Variants in GRIK1 observed in about 807,000 individuals in gnomAD.
The protein encoded by GRIK1 is glutamate receptor ionotropic, kainate 1.
A neutral mutation model predicts 105.7 loss-of-function variants in GRIK1; 69 were observed. The observed-to-expected ratio is 0.65, with a 90% CI of 0.54 to 0.80. GRIK1 has a LOEUF of 0.80. GRIK1 is among the 30% of genes least tolerant of loss of function. The pLI, the probability that GRIK1 is intolerant of heterozygous loss-of-function variation, is 0.00. For synonymous variants in GRIK1, 438 were observed against 431.3 expected (o/e 1.02, Z -0.19); for missense variants, 1,109 against 1,167.3 (o/e 0.95, Z 0.73).
At chr21:29,727,081 T>C (rs2064487484) in intron 1 of GRIK1, among the ~76,000 whole-genome samples, 1 of 151,946 alleles carries the variant, frequency 6.6e-6, no homozygotes, top group Non-Finnish European at 1.5e-5. Context: ...AGCACAGGCA[T>C]GCAAGAAAAA....
chr21:29,808,699 C>T lies in GRIK1; in HGVS notation c.119-114636G>A, dbSNP rs188345465. ...TAAAGGGAATTGTGTGCTTGTAATA[C>T]ATACCACTTATGCATAATTCCTTTT... On this transcript the variant is annotated intron_variant, in intron 1 of 17. Transcript: ENST00000327783. 5.4e-3 allele frequency among the ~76,000 whole-genome samples: 819 copies of T among 152,292 alleles called. 2 individuals carry two copies. The highest frequency in any genetic ancestry group is 0.017 in the Middle Eastern group (5 of 294).
intron 1 of GRIK1, among the ~76,000 whole-genome samples, chr21:29,721,362 G>A (rs900162375): frequency 2.0e-5 from 3 of 152,142 alleles, no homozygotes; most frequent in African/African-American, 7.2e-5. Flanking sequence ...CATTGTGGAT[G>A]AAAAGGGCAG....
intron 1 of GRIK1, among the ~76,000 whole-genome samples, chr21:29,707,774 G>A (rs1159116188): frequency 6.6e-6 from 1 of 151,724 alleles, no homozygotes; most frequent in Non-Finnish European, 1.5e-5. Context: ...AAACCACCGC[G>A]CCTGGCCTGA....
intron 1 of GRIK1, among the ~76,000 whole-genome samples, chr21:29,891,245 A>G (rs2069886573): frequency 6.6e-6 from 1 of 152,178 alleles, no homozygotes; most frequent in Admixed American, 6.5e-5. Flanking sequence ...TCTGTCATAA[A>G]AAGTGAAATA....
At chr21:29,788,982 C>T (rs2066337939) in intron 1 of GRIK1, among the ~76,000 whole-genome samples, 1 of 152,214 alleles carries the variant, frequency 6.6e-6, no homozygotes, top group South Asian at 2.1e-4. Flanking sequence ...CAGTTCCTAA[C>T]AGGCCACATG....
At chr21:29,812,886 G>A (rs903836254) in intron 1 of GRIK1, among the ~76,000 whole-genome samples, 1 of 152,148 alleles carries the variant, frequency 6.6e-6, no homozygotes, top group Non-Finnish European at 1.5e-5. Flanking sequence ...TCTCCTTTAA[G>A]CATTTCATTC....
At chr21:29,734,996 C>A (rs2146913563) in intron 1 of GRIK1, among the ~76,000 whole-genome samples, 1 of 152,272 alleles carries the variant, frequency 6.6e-6, no homozygotes, top group Admixed American at 6.5e-5. Context: ...AAGAGACCTC[C>A]CTGCCTATCC....
At chr21:29,658,200 G>A (rs1906699631) in intron 4 of GRIK1, among the ~76,000 whole-genome samples, 1 of 152,102 alleles carries the variant, frequency 6.6e-6, no homozygotes, top group African/African-American at 2.4e-5. Flanking sequence ...TGTTCATATG[G>A]ATAGCATATT....
chr21:29,931,648 A>G (rs981183646), intron 1 of GRIK1, among the ~76,000 whole-genome samples: 1 of 152,140 alleles, frequency 6.6e-6, no homozygotes, highest in African/African-American at 2.4e-5. Flanking sequence ...CATCTTATGT[A>G]TCTCCCTTCC....
intron 1 of GRIK1, among the ~76,000 whole-genome samples, chr21:29,765,330 C>T (rs1160815031): frequency 6.6e-6 from 1 of 151,990 alleles, no homozygotes; most frequent in Non-Finnish European, 1.5e-5. Context: ...AGAGATTATG[C>T]TTTCAAGTAA....
intron 1 of GRIK1, among the ~76,000 whole-genome samples, chr21:29,887,301 G>A (rs1292136274): frequency 6.6e-6 from 1 of 152,004 alleles, no homozygotes; most frequent in Non-Finnish European, 1.5e-5. Context: ...TACTTCTTTG[G>A]AAGAATATGG....
intron 1 of GRIK1, among the ~76,000 whole-genome samples, chr21:29,858,082 G>A (rs1171611449): frequency 6.6e-6 from 1 of 152,096 alleles, no homozygotes; most frequent in African/African-American, 2.4e-5. Context: ...TGTGTTTTTA[G>A]TAGAGAAGGG....
At chr21:29,697,960 CCTTT>C (rs1174471893) in intron 1 of GRIK1, among the ~76,000 whole-genome samples, 15 of 99,016 alleles carry the variant, frequency 1.5e-4, no homozygotes, top group East Asian at 6.1e-4. Context: ...TTTCTTTCTT[CCTTT>C]CTTTCTTTCT....
intron 8 of GRIK1, chr21:29,596,874 A>T: frequency 2.7e-6 from 1 of 366,748 alleles, no homozygotes; most frequent in South Asian, 2.7e-5. Context: ...AAGGGTCTTC[A>T]TTGTTCCTTA....
intron 1 of GRIK1, among the ~76,000 whole-genome samples, chr21:29,870,755 A>G (rs1005058937): frequency 6.6e-6 from 1 of 152,044 alleles, no homozygotes; most frequent in Non-Finnish European, 1.5e-5. Context: ...GTCAACCTCC[A>G]CAGTAGAACC....
Position 29,861,272 on chromosome 21 carries a change from A to C in GRIK1, c.118+78111T>G, listed in dbSNP as rs1438124641. Among the ~76,000 whole-genome samples the C allele has an allele frequency of 1.3e-5, 2 of 151,956 alleles. 1 individual carries two copies. Among genetic ancestry groups the C allele is most frequent in the East Asian group, 3.9e-4 (2 of 5,156 alleles). On this transcript the variant is annotated intron_variant, in intron 1 of 17. Coordinates refer to ENST00000327783, the MANE Select transcript of GRIK1 (RefSeq NM_001330994.2). Reference sequence around the variant, plus strand: ...TTATGGGGAAATCACTCAGTCTTTCATCATTAAGATGATAACTGTAGCTTT... The same window carrying C: ...TTATGGGGAAATCACTCAGTCTTTCCTCATTAAGATGATAACTGTAGCTTT...
chr21:29,768,356 G>A (rs1293821716), intron 1 of GRIK1, among the ~76,000 whole-genome samples: 1 of 152,152 alleles, frequency 6.6e-6, no homozygotes, highest in East Asian at 1.9e-4. Context: ...GCTTTTGTGC[G>A]AGTCTTTTGA....
chr21:29,819,717 G>T (rs1013327621), intron 1 of GRIK1, among the ~76,000 whole-genome samples: 3 of 151,994 alleles, frequency 2.0e-5, no homozygotes, highest in African/African-American at 7.2e-5. Flanking sequence ...TGAGGACAGA[G>T]GTTCGAAAGG....
chr21:29,629,197 T>TGTGTGTGC (rs2062201915), intron 7 of GRIK1, among the ~76,000 whole-genome samples: 1 of 112,754 alleles, frequency 8.9e-6, no homozygotes, highest in African/African-American at 4.8e-5. Context: ...AGGAGAAATG[T>TGTGTGTGC]GTGTGTGTGT....
Sources: gnomAD v4.1 joint callset for allele counts (sites outside exome capture counted in the v4.1 genomes callset) on GRCh38, gnomAD v4.1.1 for gene constraint, MANE v1.5 for transcripts, NCBI Gene and HGNC (gene_info 2026-07-23, HGNC 2026-07-21) for gene names.